ATG7: variants seen among roughly 807,000 people sequenced by gnomAD.
The protein encoded by ATG7 is ubiquitin-like modifier-activating enzyme ATG7.
Under a neutral mutation model 82.4 loss-of-function variants are expected in ATG7, and 70 were observed. That is an observed-to-expected ratio of 0.85 (90% CI 0.70 to 1.04). The LOEUF is 1.04. Among genes scored for constraint, ATG7 ranks in the 50% least tolerant of loss-of-function variants. The pLI is 0.00. For synonymous variants in ATG7, 287 were observed against 313.0 expected (o/e 0.92, Z 0.88); for missense variants, 792 against 864.3 (o/e 0.92, Z 1.05).
intron 20 of ATG7, among the ~76,000 whole-genome samples, chr3:11,474,567 TCC>T (rs1182106942): frequency 6.6e-6 from 1 of 151,998 alleles, no homozygotes; most frequent in Non-Finnish European, 1.5e-5. Flanking sequence ...ACCACTATAC[TCC>T]AACCTGGGTG....
intron 19 of ATG7, among the ~76,000 whole-genome samples, chr3:11,388,529 T>C (rs1334291019): frequency 6.6e-6 from 1 of 151,628 alleles, no homozygotes; most frequent in African/African-American, 2.4e-5. Context: ...CCCAGGTTCA[T>C]GCCATTCTCC....
chr3:11,362,706 C>T, intron 16 of ATG7, 107 bp from the exon 17 acceptor site: 1 of 799,070 alleles, frequency 1.3e-6, no homozygotes, highest in South Asian at 1.9e-5. Flanking sequence ...CAACAATGAG[C>T]ATCTGGTTAT....
At chr3:11,396,233 G>A (rs1438557068) in intron 19 of ATG7, among the ~76,000 whole-genome samples, 2 of 152,074 alleles carry the variant, frequency 1.3e-5, no homozygotes, top group African/African-American at 4.8e-5. Context: ...CATCACTTGA[G>A]GTCAAGAATT....
chr3:11,550,184 C>CAATT (rs1487287968), intron 20 of ATG7, among the ~76,000 whole-genome samples: 3 of 151,962 alleles, frequency 2.0e-5, no homozygotes, highest in Admixed American at 2.0e-4. Context: ...GGTATCCTTC[C>CAATT]AAGATCAGAA....
At chr3:11,507,947 G>GTAATTT (rs1465846096) in intron 20 of ATG7, among the ~76,000 whole-genome samples, 1 of 110,230 alleles carries the variant, frequency 9.1e-6, no homozygotes. Flanking sequence ...AACCTTGCTG[G>GTAATTT]TAATTAAAAA....
At chr3:11,515,782 G>A (rs938844831) in intron 20 of ATG7, among the ~76,000 whole-genome samples, 2 of 152,164 alleles carry the variant, frequency 1.3e-5, no homozygotes, top group African/African-American at 4.8e-5. Context: ...TCCTCAAAGA[G>A]TGTAGGTACA....
At chr3:11,372,103 G>T (rs1350516234) in intron 18 of ATG7, among the ~76,000 whole-genome samples, 2 of 151,408 alleles carry the variant, frequency 1.3e-5, no homozygotes, top group African/African-American at 4.9e-5. Context: ...GCCAAGCTCA[G>T]CTACAACCTG....
intron 19 of ATG7, among the ~76,000 whole-genome samples, chr3:11,389,437 C>T (rs1449523645): frequency 3.6e-4 from 43 of 118,890 alleles, no homozygotes; most frequent in South Asian, 5.7e-4. Flanking sequence ...TTTGTTAGTG[C>T]TTTTTTTTTT....
At chr3:11,436,470 T>C (rs1184880679) in intron 20 of ATG7, among the ~76,000 whole-genome samples, 1 of 152,168 alleles carries the variant, frequency 6.6e-6, no homozygotes, top group African/African-American at 2.4e-5. Context: ...CCCCTAGATA[T>C]ATACCCAAGG....
At chr3:11,400,120 CTG>C (rs575923462) in intron 19 of ATG7, among the ~76,000 whole-genome samples, 2 of 152,174 alleles carry the variant, frequency 1.3e-5, no homozygotes, top group African/African-American at 2.4e-5. Context: ...CAACCTGACA[CTG>C]TGTCTTTCAG....
intron 20 of ATG7, among the ~76,000 whole-genome samples, chr3:11,492,624 G>A (rs961421174): frequency 1.3e-5 from 2 of 152,070 alleles, no homozygotes; most frequent in Non-Finnish European, 2.9e-5. Flanking sequence ...CTGCTGCTTC[G>A]GGCACTGGCA....
At chr3:11,568,720 G>A in the ATG7 span, 32 of 1,542,798 alleles carry the variant, frequency 2.1e-5, no homozygotes, top group African/African-American at 6.9e-5. This position sits in a 1 kb window ranked among gnomAD's most constrained non-coding sequence, Gnocchi z 5.9. Flanking sequence ...ATGTGCTCCC[G>A]GGGACGGCAG....
At chr3:11,413,363 A>G (rs1409195965) in intron 19 of ATG7, among the ~76,000 whole-genome samples, 1 of 151,940 alleles carries the variant, frequency 6.6e-6, no homozygotes, top group Non-Finnish European at 1.5e-5. Flanking sequence ...AAGTGTTTTT[A>G]TCATGAAAGG....
At chr3:11,482,475 C>T (rs1481022434) in intron 20 of ATG7, among the ~76,000 whole-genome samples, 1 of 152,186 alleles carries the variant, frequency 6.6e-6, no homozygotes, top group Non-Finnish European at 1.5e-5. Context: ...CCTGCTGACT[C>T]CTTCAGTAGA....
In ATG7 at chr3:11,360,709, C is replaced by T. The variant is rs773208846; in HGVS notation, c.1608C>T (p.Gly536=). 2 of 1,614,068 alleles carry T rather than the reference C, an allele frequency of 1.2e-6. No homozygotes were observed. Among genetic ancestry groups the T allele is most frequent in the South Asian group, 1.1e-5 (1 of 91,092 alleles). ...NHPVASADLL[G]SSLFANIPGY... Reference sequence around the variant, plus strand: ...CTGTGGCATCTGCTGACCTCCTGGGCTCATCGCTTTTTGCCAACATCCCTG... The same window carrying T: ...CTGTGGCATCTGCTGACCTCCTGGGTTCATCGCTTTTTGCCAACATCCCTG... The change falls in exon 16 of 21, where the codon GGC becomes GGT. Residue 536 remains glycine, a synonymous_variant. Coordinates refer to ENST00000693202, the MANE Select transcript of ATG7 (RefSeq NM_001349232.2).
intron 16 of ATG7, among the ~76,000 whole-genome samples, chr3:11,362,572 C>T (rs561261588): frequency 6.6e-6 from 1 of 152,274 alleles, no homozygotes; most frequent in African/African-American, 2.4e-5. Flanking sequence ...TGGTTAATAT[C>T]CCCCAATCTG....
chr3:11,334,994 T>C (rs975527975), intron 11 of ATG7, among the ~76,000 whole-genome samples: 17 of 151,666 alleles, frequency 1.1e-4, no homozygotes, highest in African/African-American at 4.1e-4. Flanking sequence ...TGAGATATCT[T>C]TTCTAGAGTG....
rs1301028175 is a variant in ATG7 at position 11,347,987 on chromosome 3, C to T, written c.1236C>T (p.Pro412=). 1.2e-6 allele frequency: 2 copies of T among 1,613,968 alleles called. No homozygotes were observed. The highest frequency in any genetic ancestry group is 1.3e-5 in the African/African-American group (1 of 74,920). The change falls in exon 14 of 21, where the codon CCC becomes CCT. Residue 412 remains proline, a synonymous_variant. Transcript: ENST00000693202. ...EFEDCLGGGK[P]KALAAADRLQ... ...AAGATTGCCTAGGGGGTGGTAAGCC[C>T]AAGGCTCTGGCAGCAGCGGACCGGC...
At chr3:11,573,241 AATAGAG>A in the ATG7 span, among the ~76,000 whole-genome samples, 1 of 115,692 alleles carries the variant, frequency 8.6e-6, no homozygotes, top group Non-Finnish European at 1.7e-5. Flanking sequence ...AAAGAAAAGA[AATAGAG>A]AAAGAAAGAA....
Sources: gnomAD v4.1 joint callset for allele counts (sites outside exome capture counted in the v4.1 genomes callset) on GRCh38, gnomAD v4.1.1 for gene constraint, Gnocchi (gnomAD v3.1) non-coding constraint, MANE v1.5 for transcripts, NCBI Gene and HGNC (gene_info 2026-07-23, HGNC 2026-07-21) for gene names.